The following SH3D19 variants were observed in gnomAD, a reference collection of about 807,000 sequenced individuals.
The protein encoded by SH3D19 is SH3 domain-containing protein 19.
Under a neutral mutation model 112.1 loss-of-function variants are expected in SH3D19, and 58 were observed. That is an observed-to-expected ratio of 0.52 (90% CI 0.42 to 0.64). The LOEUF (loss-of-function observed/expected upper bound fraction) is 0.64, where lower values mean the gene tolerates loss of function less well. Among genes scored for constraint, SH3D19 ranks in the 30% least tolerant of loss-of-function variants. The pLI is 0.00. For missense variants in SH3D19, 1,090 were observed against 1,263.4 expected (o/e 0.86, Z 2.08); for synonymous variants, 391 against 448.5 (o/e 0.87, Z 1.62).
intron 2 of SH3D19, among the ~76,000 whole-genome samples, chr4:151,191,578 A>G (rs1365055295): frequency 6.6e-6 from 1 of 152,122 alleles, no homozygotes; most frequent in Non-Finnish European, 1.5e-5. Context: ...CCCCTGTACA[A>G]GGCATGTAAG....
intron 2 of SH3D19, among the ~76,000 whole-genome samples, chr4:151,203,429 G>T (rs1013239562): frequency 2.0e-5 from 3 of 152,206 alleles, no homozygotes; most frequent in African/African-American, 7.2e-5. Context: ...GAGGTCCTCA[G>T]ATTCTCTGTT....
intron 7 of SH3D19, among the ~76,000 whole-genome samples, chr4:151,171,701 C>T (rs1243263854): frequency 6.6e-6 from 1 of 152,172 alleles, no homozygotes; most frequent in Non-Finnish European, 1.5e-5. Flanking sequence ...GTTTCACCAT[C>T]CCTGGCTTGC....
rs1766009834 is a variant in SH3D19 at position 151,211,725 on chromosome 4, T to TA, written c.152+14321dup. On this transcript the variant is annotated intron_variant, in intron 2 of 19. Transcript: ENST00000604030. Reference sequence around the variant, plus strand: ...GATCAACCCAGCCACAACATTCCCTTATGCCAAAACCTAATCTAAAGCAAG... The same window carrying TA: ...GATCAACCCAGCCACAACATTCCCTTAATGCCAAAACCTAATCTAAAGCAAG... 3.3e-5 allele frequency among the ~76,000 whole-genome samples: 5 copies of TA among 152,212 alleles called. No homozygotes were observed. In the South Asian group the frequency reaches 1.0e-3, roughly 32 times the overall value.
intron 1 of SH3D19, among the ~76,000 whole-genome samples, chr4:151,237,323 T>C (rs567794884): frequency 2.6e-5 from 4 of 152,358 alleles, no homozygotes; most frequent in Admixed American, 2.6e-4. Flanking sequence ...TTTTCTTTAA[T>C]TCTATCACTT....
intron 1 of SH3D19, among the ~76,000 whole-genome samples, chr4:151,274,401 T>G (rs1436042952): frequency 2.0e-5 from 3 of 152,216 alleles, no homozygotes; most frequent in Non-Finnish European, 4.4e-5. Context: ...TCTTCTCACC[T>G]TCCCATATGA....
At chr4:151,291,339 CT>C (rs747612679) in intron 1 of SH3D19, 1 of 1,613,928 alleles carries the variant, frequency 6.2e-7, no homozygotes, top group Non-Finnish European at 8.5e-7. Context: ...TCCTGCGTCC[CT>C]CCTGTGCCTT....
chr4:151,138,065 G>C (rs1223926413), intron 13 of SH3D19, among the ~76,000 whole-genome samples: 2 of 151,930 alleles, frequency 1.3e-5, no homozygotes, highest in Non-Finnish European at 2.9e-5. Context: ...GACCAAATTA[G>C]ACACATTTAC....
intron 1 of SH3D19, among the ~76,000 whole-genome samples, chr4:151,302,029 T>C (rs1413007432): frequency 6.6e-6 from 1 of 152,138 alleles, no homozygotes; most frequent in East Asian, 1.9e-4. Context: ...ACTTTGTTGT[T>C]CCCAATGATT....
Position 151,325,294 on chromosome 4 carries a change from A to T in SH3D19, c.59T>A (p.Leu20His). ...GCCCCGGGCGCGGCGCTGGCCACCA[A>T]GTTCGCGGCGCTCGCGTAGCTCTTC... ...EEEELRERRE[L>H]GGQRRARGRA... Residue 20 changes from leucine to histidine, a missense_variant, in exon 1 of 20, where the codon CTT becomes CAT. Physicochemically the swap from Leu to His is moderately conservative, Grantham distance 99. Transcript: ENST00000604030. 1 of 1,220,618 alleles carries T rather than the reference A, an allele frequency of 8.2e-7. No homozygotes were observed. Among genetic ancestry groups the T allele is most frequent in the East Asian group, 3.3e-5 (1 of 30,694 alleles). 75.6% of individuals were successfully genotyped at this position (1,220,618 alleles called of 1,614,324 possible).
At chr4:151,224,735 CA>C (rs1271638016) in intron 2 of SH3D19, among the ~76,000 whole-genome samples, 1 of 152,116 alleles carries the variant, frequency 6.6e-6, no homozygotes, top group Non-Finnish European at 1.5e-5. Flanking sequence ...AGAGATGAGA[CA>C]GTGTTTTGCT....
At chr4:151,256,028 G>GAGAGGGAGAGGT in intron 1 of SH3D19, among the ~76,000 whole-genome samples, 1 of 150,640 alleles carries the variant, frequency 6.6e-6, no homozygotes, top group Non-Finnish European at 1.5e-5. Context: ...GAGGGAGAGG[G>GAGAGGGAGAGGT]AGAGGGAGAG....
intron 1 of SH3D19, among the ~76,000 whole-genome samples, chr4:151,253,888 C>T (rs188639890): frequency 2.4e-4 from 36 of 152,282 alleles, no homozygotes; most frequent in Non-Finnish European, 4.7e-4. Flanking sequence ...CGGTCCCTGG[C>T]GTGGGTATTG....
intron 2 of SH3D19, among the ~76,000 whole-genome samples, chr4:151,219,422 T>G (rs1767672338): frequency 6.6e-6 from 1 of 152,190 alleles, no homozygotes; most frequent in Non-Finnish European, 1.5e-5. Flanking sequence ...GACTGCAAAA[T>G]CCCATTGCAG....
chr4:151,263,002 TGA>T (rs1310926600), intron 1 of SH3D19, among the ~76,000 whole-genome samples: 1 of 152,076 alleles, frequency 6.6e-6, no homozygotes. Context: ...CAGTTGAGAA[TGA>T]GAGAAAAAGG....
intron 1 of SH3D19, among the ~76,000 whole-genome samples, chr4:151,321,497 A>T (rs1175174936): frequency 1.3e-5 from 2 of 152,240 alleles, no homozygotes; most frequent in South Asian, 4.1e-4. Flanking sequence ...GCCAGGCTGT[A>T]TAAATCAACC....
intron 1 of SH3D19, among the ~76,000 whole-genome samples, chr4:151,284,429 C>T (rs1322628650): frequency 6.6e-6 from 1 of 152,194 alleles, no homozygotes; most frequent in African/African-American, 2.4e-5. Flanking sequence ...TCTCTCCTCT[C>T]ATCCACATAT....
chr4:151,205,450 G>C (rs971797242), intron 2 of SH3D19, among the ~76,000 whole-genome samples: 11 of 152,206 alleles, frequency 7.2e-5, no homozygotes, highest in African/African-American at 2.4e-4. Flanking sequence ...TTGTCAGACA[G>C]AGCGTGAACT....
At chr4:151,142,551 A>G (rs529151774) in intron 12 of SH3D19, among the ~76,000 whole-genome samples, 1 of 152,300 alleles carries the variant, frequency 6.6e-6, no homozygotes, top group South Asian at 2.1e-4. Flanking sequence ...GAGAAGTTAA[A>G]TAACCACCGA....
intron 1 of SH3D19, among the ~76,000 whole-genome samples, chr4:151,264,811 A>G (rs1488692276): frequency 6.6e-6 from 1 of 152,144 alleles, no homozygotes; most frequent in Non-Finnish European, 1.5e-5. Flanking sequence ...TCTGATATAC[A>G]AAGAATGGTT....
Sources: gnomAD v4.1 joint callset for allele counts (sites outside exome capture counted in the v4.1 genomes callset) on GRCh38, gnomAD v4.1.1 for gene constraint, MANE v1.5 for transcripts, NCBI Gene and HGNC (gene_info 2026-07-23, HGNC 2026-07-21) for gene names.